KCNMB3: variants seen among roughly 807,000 people sequenced by gnomAD.
The protein encoded by KCNMB3 is potassium calcium-activated channel subfamily M regulatory beta subunit 3.
Under a neutral mutation model 11.9 loss-of-function variants are expected in KCNMB3, and 18 were observed. The observed-to-expected ratio is 1.51, with a 90% CI of 1.04 to 2.23. The LOEUF is 2.23. KCNMB3 is among the 30% of genes most tolerant of loss of function. The pLI is 0.00. For missense variants in KCNMB3, 247 were observed against 329.4 expected (o/e 0.75, Z 1.94); for synonymous variants, 78 against 119.2 (o/e 0.65, Z 2.25).
chr3:179,253,840 T>G (rs1725927892), upstream of KCNMB3, among the ~76,000 whole-genome samples: 2 of 152,090 alleles, frequency 1.3e-5, no homozygotes, highest in South Asian at 4.1e-4. Flanking sequence ...TTAAAAATTT[T>G]TTTAAAAAGC....
rs1234769576 is a variant in KCNMB3 at position 179,243,274 on chromosome 3, G to A, written c.458C>T (p.Thr153Ile). Residue 153 changes from threonine (T) to isoleucine (I), a missense_variant, in exon 3 of 3, where the codon ACA becomes ATA. Thr to Ile is a moderately conservative substitution (Grantham distance 89). Around this residue, in one of 2 missense-constraint regions of KCNMB3, gnomAD observed 87 missense variants for 171.9 expected, o/e 0.51. Coordinates refer to ENST00000392685, the MANE Select transcript of KCNMB3 (RefSeq NM_171830.2). The part of the protein sequence containing the change: ...AVQINPKCFY[T>I]PKCHQDRNDL... ...ATTTCTATCTTGGTGGCACTTAGGT[G>A]TGTAAAAGCACTAGGAATATGGAAG... 1.7e-6 allele frequency: 2 copies of A among 1,168,566 alleles called. No individual in the cohort carries two copies. Among genetic ancestry groups the A allele is most frequent in the Middle Eastern group, 2.0e-4 (1 of 5,058 alleles). 72.4% of individuals were successfully genotyped at this position (1,168,566 alleles called of 1,614,324 possible).
chr3:179,252,148 C>T (rs756175650), upstream of KCNMB3, among the ~76,000 whole-genome samples: 19 of 152,166 alleles, frequency 1.2e-4, no homozygotes, highest in African/African-American at 1.9e-4. Flanking sequence ...AGATGAACAG[C>T]GGGCCCAGCA....
At chr3:179,256,374 T>G (rs1726011735), upstream of KCNMB3, among the ~76,000 whole-genome samples, 1 of 152,082 alleles carries the variant, frequency 6.6e-6, no homozygotes, top group South Asian at 2.1e-4. Context: ...AGGCAGAGGT[T>G]GCAGTAAGCC....
intron 1 of KCNMB3, among the ~76,000 whole-genome samples, chr3:179,249,761 C>T (rs1725769856): frequency 6.6e-6 from 1 of 152,188 alleles, no homozygotes; most frequent in Admixed American, 6.5e-5. Context: ...AAGCCATTAT[C>T]CTCAGCAAAC....
At chr3:179,265,625 T>C (rs1015581353) in intron 1 of KCNMB3, among the ~76,000 whole-genome samples, 1 of 152,096 alleles carries the variant, frequency 6.6e-6, no homozygotes, top group Non-Finnish European at 1.5e-5. Flanking sequence ...GCCCAGCTAA[T>C]TTTTGTATTT....
chr3:179,241,290 A>G (rs1725449260), downstream of KCNMB3: 1 of 153,066 alleles, frequency 6.5e-6, no homozygotes, highest in Non-Finnish European at 1.5e-5. Context: ...ATGAGAAAAG[A>G]AAGGTTTACA....
chr3:179,246,240 C>G (rs562552195), intron 1 of KCNMB3, among the ~76,000 whole-genome samples: 5 of 152,118 alleles, frequency 3.3e-5, no homozygotes, highest in Non-Finnish European at 5.9e-5. Context: ...GGCGAAACCA[C>G]GTCTTCACTG....
chr3:179,247,895 C>T (rs1377324875), intron 1 of KCNMB3, among the ~76,000 whole-genome samples: 1 of 152,018 alleles, frequency 6.6e-6, no homozygotes, highest in East Asian at 1.9e-4. Context: ...ACTCCTAGGC[C>T]TTCCTCTTCC....
At chr3:179,261,530 G>C (rs924045869) in intron 1 of KCNMB3, among the ~76,000 whole-genome samples, 7 of 151,982 alleles carry the variant, frequency 4.6e-5, no homozygotes, top group Admixed American at 1.3e-4. Flanking sequence ...GAATGGCGCG[G>C]GGGAAGCGGG....
chr3:179,243,671 G>A (rs568907134), intron 2 of KCNMB3, among the ~76,000 whole-genome samples: 58 of 152,178 alleles, frequency 3.8e-4, no homozygotes, highest in Non-Finnish European at 7.1e-4. Context: ...TGCCTCTGTT[G>A]TCTCTGTCTT....
intron 1 of KCNMB3, among the ~76,000 whole-genome samples, chr3:179,262,563 C>G (rs1035197758): frequency 1.3e-5 from 2 of 152,222 alleles, no homozygotes; most frequent in Non-Finnish European, 2.9e-5. Context: ...GGGACCTGAG[C>G]AGGTTGCCAC....
intron 1 of KCNMB3, among the ~76,000 whole-genome samples, chr3:179,250,029 A>G (rs979079350): frequency 2.0e-5 from 3 of 152,164 alleles, no homozygotes; most frequent in Non-Finnish European, 4.4e-5. Context: ...TGTACCCCGG[A>G]ACTTAAAACA....
At chr3:179,244,154 A>C (rs184785843) in intron 2 of KCNMB3, among the ~76,000 whole-genome samples, 37 of 152,356 alleles carry the variant, frequency 2.4e-4, no homozygotes, top group African/African-American at 8.2e-4. Flanking sequence ...AAGAAAAATT[A>C]CTTGATTCAA....
chr3:179,241,286 AAAG>A (rs1725449177), downstream of KCNMB3: 1 of 152,910 alleles, frequency 6.5e-6, no homozygotes, highest in Non-Finnish European at 1.5e-5. Context: ...ATAGATGAGA[AAAG>A]AAAGGTTTAC....
chr3:179,265,473 T>A (rs1321773903), intron 1 of KCNMB3, among the ~76,000 whole-genome samples: 1 of 152,234 alleles, frequency 6.6e-6, no homozygotes, highest in African/African-American at 2.4e-5. Context: ...TTTCTTTGTT[T>A]GAGACAGAGT....
intron 1 of KCNMB3, among the ~76,000 whole-genome samples, chr3:179,247,848 ACT>A (rs968663627): frequency 6.6e-6 from 1 of 151,218 alleles, no homozygotes; most frequent in African/African-American, 2.4e-5. Flanking sequence ...GAAGTAGGCC[ACT>A]CTCTTCCTTT....
chr3:179,264,800 G>C (rs575768155), intron 1 of KCNMB3, among the ~76,000 whole-genome samples: 44 of 152,186 alleles, frequency 2.9e-4, no homozygotes, highest in Non-Finnish European at 4.9e-4. Flanking sequence ...TATGTGAAAT[G>C]AATGTCTAAA....
At position 179,259,540 on chromosome 3, in the gene KCNMB3, C is replaced by T. The variant is rs1446038414; in HGVS notation, c.62+7109G>A. The T allele has an allele frequency of 3.5e-5, 56 of 1,610,216 alleles. No individual in the cohort carries two copies. In the Middle Eastern group the frequency reaches 6.6e-4, roughly 19 times the overall value. On this transcript the variant is annotated intron_variant, in intron 1 of 3. Coordinates refer to the KCNMB3 transcript ENST00000349697. ...CAATCAACATTTTCACTGCTTTCTG[C>T]TGCAATTTTCTGTTTTGGATTTTCA...
Position 179,247,904 on chromosome 3 carries a change from C to T in KCNMB3, c.248+2839G>A, listed in dbSNP as rs371630965. Among the ~76,000 whole-genome samples the T allele has an allele frequency of 2.6e-5, 4 of 152,178 alleles. No individual in the cohort carries two copies. In the East Asian group the frequency reaches 5.8e-4, roughly 22 times the overall value. On this transcript the variant is annotated intron_variant, in intron 1 of 2. Coordinates refer to ENST00000392685, the MANE Select transcript of KCNMB3 (RefSeq NM_171830.2). ...CACTGAACTCCTAGGCCTTCCTCTTCCACTCCCCCTGGGCCTCCTGTTGCT... is the reference window on the plus strand; with the variant it reads ...CACTGAACTCCTAGGCCTTCCTCTTTCACTCCCCCTGGGCCTCCTGTTGCT...
Sources: allele counts gnomAD v4.1 joint callset (sites outside exome capture counted in the v4.1 genomes callset), GRCh38; gene constraint gnomAD v4.1.1; regional missense constraint gnomAD v4.1.1; transcripts MANE v1.5; gene names NCBI Gene and HGNC (gene_info 2026-07-23, HGNC 2026-07-21).